MYRFL: variants seen among roughly 807,000 people sequenced by gnomAD.
MYRFL encodes the protein myelin regulatory factor-like protein.
MYRFL carries 88 observed loss-of-function variants against 109.4 expected under a neutral mutation model. The ratio of observed to expected loss-of-function variants is 0.80; its 90% CI spans 0.68 to 0.96. The LOEUF is 0.96. Ranked by LOEUF, MYRFL falls within the 40% of genes least tolerant of loss-of-function variation. The pLI is 0.00. For synonymous variants in MYRFL, 324 were observed against 320.9 expected (o/e 1.01, Z -0.10); for missense variants, 957 against 954.9 (o/e 1.00, Z -0.03).
intron 13 of MYRFL, among the ~76,000 whole-genome samples, chr12:69,918,367 A>C (rs1040298709): frequency 2.6e-5 from 4 of 152,202 alleles, no homozygotes; most frequent in Admixed American, 6.5e-5. Flanking sequence ...GAAGAAAAGA[A>C]TGTGTGAGGG....
chr12:69,904,633 C>T (rs1240230553), intron 11 of MYRFL, among the ~76,000 whole-genome samples: 2 of 152,194 alleles, frequency 1.3e-5, no homozygotes, highest in Admixed American at 6.5e-5. Context: ...AAAGCTACAA[C>T]TGCTATGTAG....
intron 2 of MYRFL, among the ~76,000 whole-genome samples, chr12:69,856,563 T>G (rs1377873905): frequency 6.6e-6 from 1 of 152,072 alleles, no homozygotes; most frequent in Non-Finnish European, 1.5e-5. Flanking sequence ...TCTTGGGTAT[T>G]ATGAGTTTAA....
chr12:69,916,146 C>T (rs1284480588), intron 13 of MYRFL, among the ~76,000 whole-genome samples: 2 of 151,856 alleles, frequency 1.3e-5, no homozygotes, highest in African/African-American at 4.8e-5. Flanking sequence ...TTGAATGATG[C>T]AATGATAAGT....
intron 1 of MYRFL, among the ~76,000 whole-genome samples, chr12:69,837,085 A>G (rs1023703277): frequency 2.0e-5 from 3 of 152,146 alleles, no homozygotes; most frequent in African/African-American, 7.2e-5. Flanking sequence ...GATATGCCTA[A>G]AATCGGATTG....
intron 1 of MYRFL, among the ~76,000 whole-genome samples, chr12:69,841,908 T>C (rs1012918506): frequency 2.2e-4 from 34 of 152,222 alleles, no homozygotes; most frequent in African/African-American, 8.2e-4. Context: ...TTGTATTATC[T>C]CATTTAATTC....
intron 19 of MYRFL, among the ~76,000 whole-genome samples, chr12:69,950,729 G>A (rs917373391): frequency 3.9e-5 from 6 of 152,130 alleles, no homozygotes; most frequent in African/African-American, 1.4e-4. Context: ...TGAGTCCCTT[G>A]TCACTGGAGG....
At chr12:69,938,289 C>T (rs1955531435) in intron 19 of MYRFL, among the ~76,000 whole-genome samples, 1 of 152,214 alleles carries the variant, frequency 6.6e-6, no homozygotes, top group South Asian at 2.1e-4. Flanking sequence ...ATGCTGGAGA[C>T]ACTTGATGTT....
chr12:69,885,249 C>A (rs781211530), intron 5 of MYRFL, among the ~76,000 whole-genome samples: 33 of 151,880 alleles, frequency 2.2e-4, no homozygotes, highest in South Asian at 1.5e-3. Context: ...CTAAAATGGG[C>A]ATTTTATAAA....
At chr12:69,923,008 A>C (rs1210206886) in intron 13 of MYRFL, among the ~76,000 whole-genome samples, 1 of 152,212 alleles carries the variant, frequency 6.6e-6, no homozygotes, top group Admixed American at 6.5e-5. Context: ...TCTTTTATTT[A>C]CAAGATTTAA....
intron 6 of MYRFL, 72 bp from the exon 7 acceptor site, chr12:69,890,899 A>G: frequency 8.2e-7 from 1 of 1,217,398 alleles, no homozygotes; most frequent in Non-Finnish European, 1.1e-6. Context: ...TGTTTATACA[A>G]CTAATACTGT....
At chr12:69,900,140 G>A (rs1396658055) in intron 10 of MYRFL, among the ~76,000 whole-genome samples, 1 of 152,140 alleles carries the variant, frequency 6.6e-6, no homozygotes, top group Non-Finnish European at 1.5e-5. Context: ...AATAGAAATG[G>A]TCATGTCCCC....
intron 9 of MYRFL, among the ~76,000 whole-genome samples, 190 bp downstream of exon 9, chr12:69,895,671 C>T (rs1473893019): frequency 6.6e-6 from 1 of 152,112 alleles, no homozygotes; most frequent in Admixed American, 6.6e-5. Context: ...TTTCTTCTCC[C>T]AACCCCATGC....
At chr12:69,832,051 G>C (rs1304137072) in intron 1 of MYRFL, among the ~76,000 whole-genome samples, 1 of 152,066 alleles carries the variant, frequency 6.6e-6, no homozygotes, top group African/African-American at 2.4e-5. Flanking sequence ...TAAAGTTTAG[G>C]GAGCTGGCAA....
At chr12:69,940,105 G>A (rs530211600) in intron 19 of MYRFL, among the ~76,000 whole-genome samples, 2,450 of 151,826 alleles carry the variant, frequency 0.016, 35 homozygotes, top group South Asian at 0.034. Context: ...TGGGGAGAAT[G>A]GAACCAAGTT....
intron 2 of MYRFL, among the ~76,000 whole-genome samples, chr12:69,856,847 G>A (rs1313649482): frequency 6.6e-6 from 1 of 151,850 alleles, no homozygotes; most frequent in Non-Finnish European, 1.5e-5. Context: ...TGTCGTTTAT[G>A]TTTTTATAAT....
chr12:69,932,401 C>G lies in MYRFL; in HGVS notation c.1831-112C>G, dbSNP rs1955298504. ...AGAGATGTAAATTGAGGCAAGCACT[C>G]AAACTATCCCAAGAGAGCAGCAAAT... On this transcript the variant is annotated intron_variant, in intron 15 of 24. Coordinates refer to ENST00000552032, the MANE Select transcript of MYRFL (RefSeq NM_182530.3). The G allele has an allele frequency of 8.9e-6, 6 of 671,706 alleles. No homozygotes were observed. The East Asian group carries it at 1.4e-4, about 16-fold the overall frequency. 41.6% of individuals were successfully genotyped at this position (671,706 alleles called of 1,614,324 possible).
intron 7 of MYRFL, among the ~76,000 whole-genome samples, chr12:69,892,442 G>A (rs373475128): frequency 4.6e-5 from 7 of 152,062 alleles, no homozygotes; most frequent in African/African-American, 9.7e-5. Context: ...ACAGGGTTTC[G>A]CTCTGTCGCC....
At chr12:69,828,197 A>G (rs1184836796) in intron 1 of MYRFL, among the ~76,000 whole-genome samples, 1 of 152,064 alleles carries the variant, frequency 6.6e-6, no homozygotes, top group Admixed American at 6.6e-5. Context: ...ATGGGATTCT[A>G]TGGGGTTTGC....
chr12:69,864,811 A>G (rs1214184893), intron 2 of MYRFL, among the ~76,000 whole-genome samples: 1 of 152,048 alleles, frequency 6.6e-6, no homozygotes, highest in African/African-American at 2.4e-5. Context: ...TCCTCTCACT[A>G]CATCCCAGTA....
Sources: gnomAD v4.1 joint callset for allele counts (sites outside exome capture counted in the v4.1 genomes callset) on GRCh38, gnomAD v4.1.1 for gene constraint, MANE v1.5 for transcripts, NCBI Gene and HGNC (gene_info 2026-07-23, HGNC 2026-07-21) for gene names.